Variants in CCDC192 observed in about 807,000 individuals in gnomAD.
CCDC192 encodes the protein coiled-coil domain-containing protein 192.
At chr5:127,832,288 T>C (rs1158286883) in intron 5 of CCDC192, among the ~76,000 whole-genome samples, 3 of 152,156 alleles carry the variant, frequency 2.0e-5, no homozygotes, top group African/African-American at 7.2e-5. Context: ...AAAATGCTGG[T>C]AAGAGTTTAC....
At chr5:127,937,968 A>G (rs534381739) in intron 6 of CCDC192, among the ~76,000 whole-genome samples, 2 of 152,202 alleles carry the variant, frequency 1.3e-5, no homozygotes, top group Non-Finnish European at 2.9e-5. Context: ...AGAAGACGTC[A>G]GACAGGCACA....
chr5:127,756,920 G>T (rs1477896251), intron 3 of CCDC192, among the ~76,000 whole-genome samples: 1 of 152,172 alleles, frequency 6.6e-6, no homozygotes, highest in African/African-American at 2.4e-5. Flanking sequence ...TACAAAGGTG[G>T]TTTCACAAAT....
At chr5:127,788,980 C>T (rs1382746249) in intron 3 of CCDC192, among the ~76,000 whole-genome samples, 1 of 152,098 alleles carries the variant, frequency 6.6e-6, no homozygotes, top group Non-Finnish European at 1.5e-5. Context: ...TTTTCTTCAT[C>T]ATGTGAGGAT....
intron 2 of CCDC192, among the ~76,000 whole-genome samples, chr5:127,719,938 C>T (rs763163636): frequency 8.6e-5 from 13 of 151,996 alleles, no homozygotes; most frequent in Admixed American, 2.6e-4. Flanking sequence ...CAATCATCTC[C>T]CACCAGACTC....
At chr5:127,928,770 C>T (rs1753934547) in intron 6 of CCDC192, among the ~76,000 whole-genome samples, 1 of 145,116 alleles carries the variant, frequency 6.9e-6, no homozygotes, top group Non-Finnish European at 1.5e-5. Context: ...CCATGTTATT[C>T]TTTTTTTTTT....
At position 127,839,009 on chromosome 5, in the gene CCDC192, T is replaced by C. The variant is rs551555378; in HGVS notation, c.412-36529T>C. On this transcript the variant is annotated intron_variant, in intron 5 of 6. Transcript: ENST00000514853. Reference sequence around the variant, plus strand: ...ACAGGAAGCTGTTATTCTCTTTAGGTAAATGGTTTTCACCTGAACCCTGGA... The same window carrying C: ...ACAGGAAGCTGTTATTCTCTTTAGGCAAATGGTTTTCACCTGAACCCTGGA... Among the ~76,000 whole-genome samples, 68 of 152,280 alleles carry C rather than the reference T, an allele frequency of 4.5e-4. 1 individual carries two copies. The South Asian group carries it at 0.014, about 31-fold the overall frequency.
chr5:127,850,343 C>T (rs1364048755), intron 5 of CCDC192, among the ~76,000 whole-genome samples: 1 of 152,138 alleles, frequency 6.6e-6, no homozygotes, highest in Non-Finnish European at 1.5e-5. Flanking sequence ...TAAAGGTACT[C>T]CCAGGGCTAA....
intron 2 of CCDC192, among the ~76,000 whole-genome samples, chr5:127,731,943 T>C (rs1403485337): frequency 6.6e-6 from 1 of 152,022 alleles, no homozygotes; most frequent in Non-Finnish European, 1.5e-5. Flanking sequence ...GGACACAGGC[T>C]GTAGCAAAGA....
chr5:127,859,521 G>T (rs1751265688), intron 5 of CCDC192, among the ~76,000 whole-genome samples: 1 of 144,102 alleles, frequency 6.9e-6, no homozygotes, highest in South Asian at 2.2e-4. Context: ...TCTAGGAACA[G>T]GACCCAGGAT....
In CCDC192 at chr5:127,901,279, TA is replaced by T. The variant is rs1345692584; in HGVS notation, c.535+25625del. ...ATCATGACATTGCTAGGTAATATCT[TA>T]AAAAAATTATTCCTAAATAATAATC... On this transcript the variant is annotated intron_variant, in intron 6 of 6. Transcript: ENST00000514853. Among the ~76,000 whole-genome samples the T allele has an allele frequency of 1.4e-4, 21 of 152,300 alleles. No individual in the cohort carries two copies. The East Asian group carries it at 3.9e-3, about 28-fold the overall frequency.
chr5:127,802,177 T>C (rs916000339), intron 5 of CCDC192, among the ~76,000 whole-genome samples: 8 of 152,190 alleles, frequency 5.3e-5, no homozygotes, highest in African/African-American at 1.9e-4. Flanking sequence ...CACTAGACTC[T>C]AGGGACATTG....
chr5:127,713,966 C>G (rs248734), intron 2 of CCDC192, among the ~76,000 whole-genome samples: 1 of 152,058 alleles, frequency 6.6e-6, no homozygotes, highest in Admixed American at 6.6e-5. Context: ...CTAGCTATAA[C>G]TTTGTATTTA....
chr5:127,765,301 A>G (rs550956808), intron 3 of CCDC192, among the ~76,000 whole-genome samples: 1 of 152,358 alleles, frequency 6.6e-6, no homozygotes, highest in African/African-American at 2.4e-5. Flanking sequence ...TTATTAAACC[A>G]GACATTAAGG....
chr5:127,780,165 G>T lies in CCDC192; in HGVS notation c.223-16938G>T, dbSNP rs560515009. ...TACACACACACATATATACGTATAC[G>T]CACACACATATATATATATATCACA... On this transcript the variant is annotated intron_variant, in intron 3 of 6. Transcript: ENST00000514853. Among the ~76,000 whole-genome samples the T allele has an allele frequency of 2.0e-5, 3 of 150,676 alleles. No homozygotes were observed. In the East Asian group the frequency reaches 5.8e-4, roughly 29 times the overall value.
chr5:127,753,646 C>T (rs1020241558), intron 2 of CCDC192, among the ~76,000 whole-genome samples: 1 of 151,210 alleles, frequency 6.6e-6, no homozygotes, highest in Non-Finnish European at 1.5e-5. Flanking sequence ...CAAGATCGTG[C>T]CCTTGCACTC....
intron 5 of CCDC192, among the ~76,000 whole-genome samples, chr5:127,836,506 G>T (rs954413129): frequency 1.3e-5 from 2 of 152,174 alleles, no homozygotes; most frequent in African/African-American, 4.8e-5. Context: ...CCTTTGCACT[G>T]CCCTAGCAGA....
intron 6 of CCDC192, among the ~76,000 whole-genome samples, chr5:127,921,855 A>G (rs1753731602): frequency 6.6e-6 from 1 of 152,208 alleles, no homozygotes; most frequent in Admixed American, 6.5e-5. Context: ...ATCTTAGAAT[A>G]TATAAATAAT....
chr5:127,861,588 G>C lies in CCDC192; in HGVS notation c.412-13950G>C, dbSNP rs1467500376. On this transcript the variant is annotated intron_variant, in intron 5 of 6. Transcript: ENST00000514853. ...GAGAATTTCTTGAACCTGAGAGGTG[G>C]AGGTTGCGGTGAGCTGAGACTGTGA... Among the ~76,000 whole-genome samples, 7 of 152,144 alleles carry C rather than the reference G, an allele frequency of 4.6e-5. No homozygotes were observed. The East Asian group carries it at 1.4e-3, about 30-fold the overall frequency.
At chr5:127,785,912 A>C in intron 3 of CCDC192, 4 of 441,408 alleles carry the variant, frequency 9.1e-6, no homozygotes, top group South Asian at 2.4e-5. Context: ...GACATTACCA[A>C]GGCAATGCAT....
Sources: allele counts gnomAD v4.1 joint callset (sites outside exome capture counted in the v4.1 genomes callset), GRCh38; gene constraint gnomAD v4.1.1; transcripts MANE v1.5; gene names NCBI Gene and HGNC (gene_info 2026-07-23, HGNC 2026-07-21).